Variants in TNNI3K observed in about 807,000 individuals in gnomAD.
TNNI3K encodes serine/threonine-protein kinase TNNI3K.
In TNNI3K, 140 loss-of-function variants were observed where a neutral mutation model predicts 114.5. That is an observed-to-expected ratio of 1.22 (90% CI 1.07 to 1.41). The LOEUF (loss-of-function observed/expected upper bound fraction) is 1.41. Ranked by LOEUF, TNNI3K falls within the 40% of genes most tolerant of loss-of-function variation. The pLI is 0.00. For synonymous variants in TNNI3K, 347 were observed against 347.5 expected (o/e 1.00, Z 0.02); for missense variants, 1,125 against 1,007.6 (o/e 1.12, Z -1.58).
At chr1:74,473,945 G>A (rs1166156059) in intron 21 of TNNI3K, among the ~76,000 whole-genome samples, 1 of 152,050 alleles carries the variant, frequency 6.6e-6, no homozygotes, top group Non-Finnish European at 1.5e-5. Context: ...AATCAGAGTG[G>A]CAATTTTTCT....
intron 17 of TNNI3K, among the ~76,000 whole-genome samples, chr1:74,398,622 C>T (rs754757168): frequency 6.6e-6 from 1 of 152,084 alleles, no homozygotes; most frequent in East Asian, 1.9e-4. Flanking sequence ...GGAGGCCTTC[C>T]CCCTCCCAAC....
intron 22 of TNNI3K, among the ~76,000 whole-genome samples, chr1:74,491,082 A>G (rs1199356113): frequency 6.6e-6 from 1 of 152,200 alleles, no homozygotes; most frequent in African/African-American, 2.4e-5. Flanking sequence ...AGGAATAATT[A>G]AAACTGGGAT....
At chr1:74,287,693 C>T (rs964855235) in intron 5 of TNNI3K, among the ~76,000 whole-genome samples, 2 of 151,980 alleles carry the variant, frequency 1.3e-5, no homozygotes, top group African/African-American at 4.8e-5. Flanking sequence ...TTGGCTATGA[C>T]CTCAAAAACA....
chr1:74,487,496 A>G (rs570446939), intron 21 of TNNI3K, among the ~76,000 whole-genome samples: 1 of 152,330 alleles, frequency 6.6e-6, no homozygotes, highest in Admixed American at 6.5e-5. Context: ...AAGTGAGACC[A>G]GGCAGAATGG....
chr1:74,541,030 G>A (rs978090332), intron 24 of TNNI3K, among the ~76,000 whole-genome samples: 7 of 152,160 alleles, frequency 4.6e-5, no homozygotes, highest in African/African-American at 1.7e-4. Flanking sequence ...AGCCTGAGAG[G>A]CACTATGTTT....
chr1:74,305,427 A>G (rs115169553), intron 5 of TNNI3K, among the ~76,000 whole-genome samples: 2,146 of 152,340 alleles, frequency 0.014, 55 homozygotes, highest in African/African-American at 0.05. Flanking sequence ...TGCAGCCTCA[A>G]TGAAAGCCCA....
chr1:74,313,947 C>T (rs761404646), intron 5 of TNNI3K, among the ~76,000 whole-genome samples: 41 of 151,260 alleles, frequency 2.7e-4, no homozygotes, highest in Non-Finnish European at 5.0e-4. Context: ...TAAATTTTAA[C>T]CTCTGATAAG....
intron 23 of TNNI3K, among the ~76,000 whole-genome samples, chr1:74,534,198 C>T (rs1646630737): frequency 7.5e-6 from 1 of 133,616 alleles, no homozygotes; most frequent in Admixed American, 7.7e-5. Flanking sequence ...TAAAACAATT[C>T]TCTGTAATTG....
intron 23 of TNNI3K, 122 bp from the exon 24 acceptor site, chr1:74,540,112 A>T: frequency 9.8e-7 from 1 of 1,017,968 alleles, no homozygotes; most frequent in Non-Finnish European, 1.4e-6. Context: ...GTTAAGATAA[A>T]AGCTGCTTTG....
Position 74,354,033 on chromosome 1 carries a change from G to C in TNNI3K, c.1081G>C (p.Asp361His). ...GHIRLVQFLL[D>H]NGADMNLVAC... ...CATTCGCCTGGTTCAGTTCTTACTG[G>C]ATAATGGAGCTGATATGAATCTAGT... The change falls in exon 11 of 25, where the codon GAT (aspartate) becomes CAT (histidine). Residue 361 changes from aspartate to histidine, a missense_variant. Asp to His is a moderately conservative substitution (Grantham distance 81, BLOSUM62 -1). Transcript: ENST00000326637. 2 of 1,614,036 alleles carry C rather than the reference G, an allele frequency of 1.2e-6. No homozygotes were observed. Among genetic ancestry groups the C allele is most frequent in the Non-Finnish European group, 1.7e-6 (2 of 1,179,982 alleles).
intron 5 of TNNI3K, among the ~76,000 whole-genome samples, chr1:74,306,282 T>C (rs1224294110): frequency 6.6e-6 from 1 of 152,216 alleles, no homozygotes; most frequent in Admixed American, 6.5e-5. Context: ...CCATCATTGA[T>C]AGGCACCTAG....
At chr1:74,525,236 A>C (rs1399904301) in intron 23 of TNNI3K, among the ~76,000 whole-genome samples, 1 of 152,210 alleles carries the variant, frequency 6.6e-6, no homozygotes, top group East Asian at 1.9e-4. Context: ...TAAGGTAGCT[A>C]ATACTGAGCA....
chr1:74,282,606 T>G (rs888217330), intron 5 of TNNI3K, among the ~76,000 whole-genome samples: 2 of 152,182 alleles, frequency 1.3e-5, no homozygotes, highest in African/African-American at 4.8e-5. Flanking sequence ...ATTATGGGGT[T>G]AGGGCTTCAA....
intron 20 of TNNI3K, among the ~76,000 whole-genome samples, chr1:74,455,890 C>G (rs929473047): frequency 6.6e-6 from 1 of 152,208 alleles, no homozygotes; most frequent in African/African-American, 2.4e-5. Context: ...AGCACCCTCA[C>G]AGACACACTA....
intron 21 of TNNI3K, among the ~76,000 whole-genome samples, chr1:74,477,933 A>G (rs1049453734): frequency 1.3e-5 from 2 of 152,244 alleles, no homozygotes; most frequent in Admixed American, 6.5e-5. Flanking sequence ...TTACAGCTTC[A>G]TAAAAACTTT....
At chr1:74,435,363 A>G (rs1666075419) in intron 17 of TNNI3K, among the ~76,000 whole-genome samples, 1 of 152,100 alleles carries the variant, frequency 6.6e-6, no homozygotes, top group East Asian at 1.9e-4. Context: ...ATACATTGTG[A>G]AATGATTACC....
At chr1:74,450,457 G>T (rs1025873177) in intron 20 of TNNI3K, among the ~76,000 whole-genome samples, 3 of 151,932 alleles carry the variant, frequency 2.0e-5, no homozygotes, top group African/African-American at 7.3e-5. Flanking sequence ...GCTATCGTCA[G>T]AGTGAGCAGA....
chr1:74,519,881 G>T (rs1404867641), intron 23 of TNNI3K, among the ~76,000 whole-genome samples: 1 of 152,090 alleles, frequency 6.6e-6, no homozygotes, highest in African/African-American at 2.4e-5. Flanking sequence ...TCCTATCTGT[G>T]GGAGCACAGA....
At chr1:74,269,100 T>C (rs1288103258) in intron 4 of TNNI3K, among the ~76,000 whole-genome samples, 1 of 151,954 alleles carries the variant, frequency 6.6e-6, no homozygotes, top group East Asian at 1.9e-4. Flanking sequence ...ATCCTTGAAA[T>C]TGTGACTTTT....
Sources: allele counts gnomAD v4.1 joint callset (sites outside exome capture counted in the v4.1 genomes callset), GRCh38; gene constraint gnomAD v4.1.1; transcripts MANE v1.5; gene names NCBI Gene and HGNC (gene_info 2026-07-23, HGNC 2026-07-21).